GAB2: variants seen among roughly 807,000 people sequenced by gnomAD.
The protein encoded by GAB2 is GRB2-associated-binding protein 2.
Under a neutral mutation model 65.5 loss-of-function variants are expected in GAB2, and 26 were observed. The ratio of observed to expected loss-of-function variants is 0.40; its 90% CI spans 0.29 to 0.55. GAB2 has a LOEUF of 0.55. Among genes scored for constraint, GAB2 ranks in the 20% least tolerant of loss-of-function variants. The probability of loss-of-function intolerance (pLI) is 0.53; values close to 1 mark genes in which losing one functional copy is unlikely to be tolerated. For missense variants in GAB2, 884 were observed against 875.8 expected, an observed-to-expected ratio of 1.01 and a Z score of -0.12; for synonymous variants, 321 against 329.6, an observed-to-expected ratio of 0.97 and a Z score of 0.28.
intron 2 of GAB2, among the ~76,000 whole-genome samples, chr11:78,278,238 T>G (rs1481682433): frequency 6.6e-6 from 1 of 151,730 alleles, no homozygotes; most frequent in African/African-American, 2.4e-5. Flanking sequence ...CCTGGTTAAT[T>G]TTTGTATTTG....
chr11:78,404,001 T>C (rs892601374), intron 1 of GAB2, among the ~76,000 whole-genome samples: 4 of 152,090 alleles, frequency 2.6e-5, no homozygotes, highest in African/African-American at 9.7e-5. Flanking sequence ...TCACACATTG[T>C]TGGTAGGAAT....
At chr11:78,296,428 G>T (rs534417910) in intron 1 of GAB2, among the ~76,000 whole-genome samples, 33 of 152,258 alleles carry the variant, frequency 2.2e-4, no homozygotes, top group South Asian at 4.1e-4. Context: ...CTTCAACTCT[G>T]CCTGAACAAA....
intron 1 of GAB2, among the ~76,000 whole-genome samples, chr11:78,369,834 C>T (rs1856543796): frequency 6.6e-6 from 1 of 152,282 alleles, no homozygotes; most frequent in South Asian, 2.1e-4. Context: ...GCCCCCAGAA[C>T]GTTATTCACC....
intron 1 of GAB2, among the ~76,000 whole-genome samples, chr11:78,377,982 T>C (rs1249834760): frequency 1.3e-5 from 2 of 152,194 alleles, no homozygotes; most frequent in Non-Finnish European, 2.9e-5. Flanking sequence ...TGAGCGAAGC[T>C]GTCACTCATC....
Position 78,250,381 on chromosome 11 carries a change from G to C in GAB2, c.396C>G (p.Ser132=), listed in dbSNP as rs746208417. The change falls in exon 3 of 10, where the codon TCC becomes TCG. Residue 132 remains serine (S), a synonymous_variant. Coordinates refer to ENST00000361507, the MANE Select transcript of GAB2 (RefSeq NM_080491.3). ...EESTDSLRNV[S]SAGHGPRSSP... is the part of the protein sequence containing the mutation. ...AAGAGCGGGGGCCATGACCGGCTGA[G>C]GAAACATTTCTCAGGGAGTCTGAAA... The C allele has an allele frequency of 1.3e-5, 21 of 1,613,390 alleles. No homozygotes were observed. The East Asian group carries it at 4.7e-4, about 36-fold the overall frequency.
intron 1 of GAB2, among the ~76,000 whole-genome samples, chr11:78,292,893 T>C (rs1408994609): frequency 2.6e-5 from 4 of 152,152 alleles, no homozygotes; most frequent in Non-Finnish European, 5.9e-5. Context: ...TAGGATCCTC[T>C]TAACAGGTGA....
Position 78,216,490 on chromosome 11 carries a change from C to T in GAB2, c.*2782G>A, listed in dbSNP as rs973765005. On this transcript the variant is annotated 3_prime_UTR_variant, in exon 10 of 10. Coordinates refer to ENST00000361507, the MANE Select transcript of GAB2 (RefSeq NM_080491.3). ...GGCTGGTAGTTTGGGGCCTGTGAGC[C>T]AGAGCTTTGCTTTCAAAAGGTCAAT... 1.3e-5 allele frequency: 2 copies of T among 152,144 alleles called. No homozygotes were observed. Among genetic ancestry groups the T allele is most frequent in the Non-Finnish European group, 2.9e-5 (2 of 68,044 alleles). 9.4% of individuals were successfully genotyped at this position (152,144 alleles called of 1,614,324 possible).
intron 3 of GAB2, among the ~76,000 whole-genome samples, chr11:78,227,998 TA>T (rs1170590310): frequency 1.3e-5 from 2 of 152,170 alleles, no homozygotes; most frequent in East Asian, 3.9e-4. Flanking sequence ...AGTACATTTT[TA>T]AATTTAGGTT....
chr11:78,289,741 GAGA>G (rs1421246793), intron 1 of GAB2, among the ~76,000 whole-genome samples: 3 of 148,310 alleles, frequency 2.0e-5, no homozygotes, highest in Non-Finnish European at 4.5e-5. Context: ...ATGCACGAGA[GAGA>G]AGGAGCAATG....
intron 1 of GAB2, among the ~76,000 whole-genome samples, chr11:78,386,321 G>T (rs114423851): frequency 6.6e-6 from 1 of 152,174 alleles, no homozygotes; most frequent in Non-Finnish European, 1.5e-5. Context: ...GGAATTACAA[G>T]TAGCAAGGGA....
At chr11:78,321,106 A>G (rs1345997438) in intron 1 of GAB2, among the ~76,000 whole-genome samples, 1 of 152,160 alleles carries the variant, frequency 6.6e-6, no homozygotes, top group Non-Finnish European at 1.5e-5. Flanking sequence ...TGGTCTGAAA[A>G]GTTCATGCAT....
chr11:78,396,317 A>C (rs776786712), intron 1 of GAB2, among the ~76,000 whole-genome samples: 4 of 152,254 alleles, frequency 2.6e-5, no homozygotes, highest in South Asian at 2.1e-4. Flanking sequence ...ATTTAGTTTC[A>C]GCAAAATATC....
rs140383786 is a variant in GAB2, at chr11:78,301,936, G to A, written c.76-21035C>T. Among the ~76,000 whole-genome samples, 621 of 152,142 alleles carry A rather than the reference G, an allele frequency of 4.1e-3. 3 individuals are homozygous for A. The highest frequency in any genetic ancestry group is 0.014 in the African/African-American group (584 of 41,504). ...CAACAAAGCGAACAAAAACAAAATG[G>A]GAAAAGGACACCCTATTCAACAAAC... On this transcript the variant is annotated intron_variant, in intron 1 of 9. Transcript: ENST00000361507.
intron 1 of GAB2, among the ~76,000 whole-genome samples, chr11:78,298,492 GGA>G (rs557388877): frequency 4.1e-4 from 63 of 152,232 alleles, no homozygotes; most frequent in Non-Finnish European, 7.2e-4. Context: ...GTCACATCTG[GGA>G]AACCAAAAAG....
At chr11:78,296,238 G>C (rs1209403119) in intron 1 of GAB2, among the ~76,000 whole-genome samples, 1 of 152,166 alleles carries the variant, frequency 6.6e-6, no homozygotes, top group East Asian at 1.9e-4. Context: ...AAGGGTCCTC[G>C]GCCCAGGGGG....
At chr11:78,402,286 AAGGAAGCCTTTGCTTTTTCTTCTCT>A (rs549725979) in intron 1 of GAB2, among the ~76,000 whole-genome samples, 9,583 of 152,150 alleles carry the variant, frequency 0.063, 979 homozygotes, top group African/African-American at 0.22. Context: ...TCCTAGAAGT[AAGGAAGCCTTTGCTTTTTCTTCTCT>A]AGGAAGCCTT....
rs1288094858 is a variant in GAB2 at position 78,225,184 on chromosome 11, T to C, written c.1226A>G (p.Tyr409Cys). ...CTCTCCACCACGCTGTGGGTACTCG[T>C]AGGTCTCACAGGAAGAAGCTGACAG... Reference protein sequence around the residue: ...RLHRASSCETYEYPQRGGESA... With the variant: ...RLHRASSCETCEYPQRGGESA... Residue 409 changes from tyrosine (Y) to cysteine (C), a missense_variant, in exon 5 of 10, where the codon TAC (tyrosine) becomes TGC (cysteine). By Grantham distance (194) the Tyr-to-Cys change is radical (BLOSUM62 -2). Coordinates refer to ENST00000361507, the MANE Select transcript of GAB2 (RefSeq NM_080491.3). 1 of 1,610,652 alleles carries C rather than the reference T, an allele frequency of 6.2e-7. No homozygotes were observed. The highest frequency in any genetic ancestry group is 8.5e-7 in the Non-Finnish European group (1 of 1,176,828).
At chr11:78,405,785 A>G (rs1450233293) in intron 1 of GAB2, among the ~76,000 whole-genome samples, 8 of 152,208 alleles carry the variant, frequency 5.3e-5, no homozygotes, top group Non-Finnish European at 1.2e-4. Context: ...TATGCCTCAT[A>G]TATCTCAGAC....
chr11:78,254,755 C>T (rs899607272), intron 2 of GAB2, among the ~76,000 whole-genome samples: 6 of 151,286 alleles, frequency 4.0e-5, no homozygotes, highest in Admixed American at 1.3e-4. Context: ...GCTATGATCG[C>T]GCCACTGCAA....
Sources: gnomAD v4.1 joint callset for allele counts (sites outside exome capture counted in the v4.1 genomes callset) on GRCh38, gnomAD v4.1.1 for gene constraint, MANE v1.5 for transcripts, NCBI Gene and HGNC (gene_info 2026-07-23, HGNC 2026-07-21) for gene names.